The following DLC1 variants were observed in gnomAD, a reference collection of about 807,000 sequenced individuals.
The protein encoded by DLC1 is rho GTPase-activating protein 7.
Under a neutral mutation model 140.3 loss-of-function variants are expected in DLC1, and 54 were observed. The observed-to-expected ratio is 0.38, with a 90% CI of 0.31 to 0.48. The LOEUF is 0.48. Ranked by LOEUF, DLC1 falls within the 20% of genes least tolerant of loss-of-function variation. DLC1 has a pLI of 0.96. For synonymous variants in DLC1, 986 were observed against 728.1 expected, an observed-to-expected ratio of 1.35 and a Z score of -5.70; for missense variants, 2,536 against 1,907.0, an observed-to-expected ratio of 1.33 and a Z score of -6.14.
rs542987907 is a variant in DLC1, at chr8:13,136,270, G to C, written c.1349-20613C>G. ...GATGCTGAGGTTTGGGGTACGATTG[G>C]TTCAGTCACCCAGGTACTAATCATA... On this transcript the variant is annotated intron_variant, in intron 5 of 17. Transcript: ENST00000276297. Among the ~76,000 whole-genome samples, 5 of 152,190 alleles carry C rather than the reference G, an allele frequency of 3.3e-5. No homozygotes were observed. The South Asian group carries it at 1.0e-3, about 32-fold the overall frequency.
At chr8:13,453,502 GTA>G (rs1324683217) in intron 2 of DLC1, among the ~76,000 whole-genome samples, 367 of 17,158 alleles carry the variant, frequency 0.021, 11 homozygotes, top group Admixed American at 0.025. Context: ...ATATATATAT[GTA>G]TATATATATA....
chr8:13,161,111 G>A (rs941834396), intron 5 of DLC1, among the ~76,000 whole-genome samples: 4 of 152,076 alleles, frequency 2.6e-5, no homozygotes, highest in Non-Finnish European at 4.4e-5. Context: ...GAGTGGGAGA[G>A]GTAGGCCTAC....
At chr8:13,452,604 C>T (rs1465808767) in intron 2 of DLC1, among the ~76,000 whole-genome samples, 2 of 152,152 alleles carry the variant, frequency 1.3e-5, no homozygotes, top group African/African-American at 4.8e-5. Context: ...CTGACTTGAG[C>T]TCCTTCAGTA....
intron 5 of DLC1, chr8:13,133,436 G>T (rs1822299979): frequency 2.2e-6 from 1 of 452,728 alleles, no homozygotes; most frequent in Non-Finnish European, 2.9e-6. Context: ...CCATTCCCAG[G>T]CTCCGCCCCC....
intron 8 of DLC1, among the ~76,000 whole-genome samples, chr8:13,101,858 T>C (rs894549707): frequency 2.0e-5 from 3 of 152,196 alleles, no homozygotes; most frequent in Non-Finnish European, 2.9e-5. Flanking sequence ...ACACGGACTA[T>C]TGCATCTTGG....
intron 4 of DLC1, among the ~76,000 whole-genome samples, chr8:13,380,360 C>G (rs1378816092): frequency 1.3e-5 from 2 of 152,270 alleles, no homozygotes; most frequent in African/African-American, 4.8e-5. Flanking sequence ...AATATTCAAA[C>G]TATTTTGTAG....
chr8:13,137,963 A>G (rs1375935132), intron 5 of DLC1, among the ~76,000 whole-genome samples: 1 of 152,172 alleles, frequency 6.6e-6, no homozygotes, highest in Non-Finnish European at 1.5e-5. Flanking sequence ...ATGTTTTCCC[A>G]TTCAACTGTG....
chr8:13,305,695 G>T (rs1392703554), intron 4 of DLC1, among the ~76,000 whole-genome samples: 1 of 152,108 alleles, frequency 6.6e-6, no homozygotes, highest in Non-Finnish European at 1.5e-5. Context: ...AAATTGGCTG[G>T]GCATGGTGGC....
chr8:13,239,203 G>C (rs1829434549), intron 5 of DLC1, among the ~76,000 whole-genome samples: 1 of 152,162 alleles, frequency 6.6e-6, no homozygotes, highest in Non-Finnish European at 1.5e-5. Flanking sequence ...ATCAACAAGA[G>C]CAGTTGTTAG....
At chr8:13,579,245 C>CATAT (rs749246152) in intron 1 of DLC1, among the ~76,000 whole-genome samples, 2,915 of 18,890 alleles carry the variant, frequency 0.15, 743 homozygotes, top group Middle Eastern at 0.43. Context: ...GAACAGGGAG[C>CATAT]ATATATATAT....
chr8:13,558,686 A>C (rs1490121445), intron 1 of DLC1: 2 of 152,204 alleles, frequency 1.3e-5, no homozygotes, highest in Non-Finnish European at 2.9e-5. Context: ...TAAATATAAC[A>C]AATGGGTCAC....
intron 1 of DLC1, among the ~76,000 whole-genome samples, chr8:13,503,861 A>AT (rs1218247724): frequency 6.6e-6 from 1 of 152,166 alleles, no homozygotes; most frequent in Non-Finnish European, 1.5e-5. Flanking sequence ...TCTATCATAG[A>AT]TATCTATCTG....
chr8:13,219,787 A>G (rs1297750201), intron 5 of DLC1, among the ~76,000 whole-genome samples: 1 of 152,164 alleles, frequency 6.6e-6, no homozygotes, highest in Non-Finnish European at 1.5e-5. Context: ...ATCGTTATTA[A>G]TGGGTGGATA....
intron 2 of DLC1, among the ~76,000 whole-genome samples, chr8:13,444,977 G>T (rs752036858): frequency 3.3e-5 from 5 of 152,026 alleles, no homozygotes; most frequent in Non-Finnish European, 7.4e-5. Context: ...GGGAAGGAGA[G>T]AACGAAAAAG....
At chr8:13,086,713 G>A (rs1029437933) in intron 16 of DLC1, among the ~76,000 whole-genome samples, 5 of 152,128 alleles carry the variant, frequency 3.3e-5, no homozygotes, top group African/African-American at 1.2e-4. Flanking sequence ...AATGGGAGCT[G>A]GATTAATGCC....
At chr8:13,432,332 G>T (rs1354670950) in intron 2 of DLC1, among the ~76,000 whole-genome samples, 1 of 152,168 alleles carries the variant, frequency 6.6e-6, no homozygotes, top group African/African-American at 2.4e-5. Context: ...TCTAATTTGA[G>T]AGCAAAACAT....
rs373118635 is a variant in DLC1, at chr8:13,125,716, C to T, written c.1349-10059G>A. Among the ~76,000 whole-genome samples, 8 of 152,018 alleles carry T rather than the reference C, an allele frequency of 5.3e-5. No individual in the cohort carries two copies. The South Asian group carries it at 1.5e-3, about 28-fold the overall frequency. ...AGTAAGGAATGGAAGCTTTGGGGAGCTTCCTTTTTAAGTTTTGTTCATTTT... is the reference window on the plus strand; with the variant it reads ...AGTAAGGAATGGAAGCTTTGGGGAGTTTCCTTTTTAAGTTTTGTTCATTTT... On this transcript the variant is annotated intron_variant, in intron 5 of 17. Transcript: ENST00000276297.
At chr8:13,156,810 C>T (rs1300720621) in intron 5 of DLC1, among the ~76,000 whole-genome samples, 1 of 152,232 alleles carries the variant, frequency 6.6e-6, no homozygotes, top group Admixed American at 6.5e-5. Flanking sequence ...CTAGATTTAT[C>T]CAGGGGCAAC....
intron 5 of DLC1, among the ~76,000 whole-genome samples, chr8:13,295,752 T>A (rs947799557): frequency 1.3e-5 from 2 of 152,094 alleles, no homozygotes; most frequent in Non-Finnish European, 2.9e-5. Flanking sequence ...AGTAATAGCT[T>A]GTTACATGTA....
Sources: allele counts gnomAD v4.1 joint callset (sites outside exome capture counted in the v4.1 genomes callset), GRCh38; gene constraint gnomAD v4.1.1; transcripts MANE v1.5; gene names NCBI Gene and HGNC (gene_info 2026-07-23, HGNC 2026-07-21).